PTPRD: variants seen among roughly 807,000 people sequenced by gnomAD.
The protein encoded by PTPRD is protein tyrosine phosphatase receptor type D.
A neutral mutation model predicts 214.5 loss-of-function variants in PTPRD; 34 were observed. The observed-to-expected ratio is 0.16, with a 90% CI of 0.12 to 0.21. The LOEUF (loss-of-function observed/expected upper bound fraction) is 0.21, where lower values mean the gene tolerates loss of function less well. PTPRD is among the 10% of genes least tolerant of loss of function. PTPRD has a pLI of 1.00. For synonymous variants in PTPRD, 1,128 were observed against 845.7 expected (o/e 1.33, Z -5.79); for missense variants, 2,545 against 2,398.7 (o/e 1.06, Z -1.27).
At chr9:8,912,281 A>G (rs1340681226) in intron 11 of PTPRD, among the ~76,000 whole-genome samples, 4 of 152,198 alleles carry the variant, frequency 2.6e-5, no homozygotes, top group Non-Finnish European at 5.9e-5. Context: ...TGAATGGATA[A>G]ACAATGTTAT....
intron 2 of PTPRD, among the ~76,000 whole-genome samples, chr9:10,482,287 C>T (rs901926006): frequency 1.3e-4 from 20 of 151,962 alleles, no homozygotes; most frequent in Admixed American, 2.6e-4. Context: ...AGGAGAATGG[C>T]ATGAACCCGG....
chr9:10,393,657 G>C (rs938912483), intron 2 of PTPRD, among the ~76,000 whole-genome samples: 5 of 147,442 alleles, frequency 3.4e-5, no homozygotes, highest in South Asian at 2.1e-4. Context: ...ATTAGAGAGA[G>C]AGAGAGAGAG....
At chr9:10,547,196 GA>G (rs1404467191) in intron 2 of PTPRD, among the ~76,000 whole-genome samples, 1 of 152,066 alleles carries the variant, frequency 6.6e-6, no homozygotes, top group African/African-American at 2.4e-5. Flanking sequence ...TCTGCTAGTA[GA>G]AAAAGTTTCT....
At chr9:9,133,453 A>G (rs550896344) in intron 10 of PTPRD, among the ~76,000 whole-genome samples, 16 of 152,348 alleles carry the variant, frequency 1.1e-4, no homozygotes, top group Admixed American at 2.0e-4. Flanking sequence ...TGGTCAATTC[A>G]TTTTAAGAAA....
At chr9:8,548,574 G>A (rs2081011152) in intron 14 of PTPRD, among the ~76,000 whole-genome samples, 1 of 151,064 alleles carries the variant, frequency 6.6e-6, no homozygotes, top group African/African-American at 2.4e-5. Context: ...CGCCATGTTG[G>A]CTAGGCTGTT....
At chr9:9,451,687 T>C (rs1390134622) in intron 8 of PTPRD, among the ~76,000 whole-genome samples, 1 of 151,664 alleles carries the variant, frequency 6.6e-6, no homozygotes. Flanking sequence ...CAAAAGGTTA[T>C]GTTTCAAAAA....
chr9:8,415,317 T>C (rs61454491), intron 35 of PTPRD, among the ~76,000 whole-genome samples: 9,328 of 152,184 alleles, frequency 0.061, 461 homozygotes, highest in African/African-American at 0.13. Flanking sequence ...TAAGACAGCA[T>C]TGGAGATGGA....
intron 10 of PTPRD, among the ~76,000 whole-genome samples, chr9:9,095,918 C>A (rs1272049199): frequency 6.6e-6 from 1 of 152,060 alleles, no homozygotes; most frequent in Admixed American, 6.5e-5. Context: ...ATTATTCAGT[C>A]CCACAAAAGA....
At chr9:9,740,493 G>C (rs1472518162) in intron 6 of PTPRD, among the ~76,000 whole-genome samples, 1 of 150,432 alleles carries the variant, frequency 6.6e-6, no homozygotes, top group Non-Finnish European at 1.5e-5. Flanking sequence ...GAGTAGCTGG[G>C]ACTATAGGCG....
intron 14 of PTPRD, among the ~76,000 whole-genome samples, chr9:8,543,717 C>A (rs1489175880): frequency 6.6e-6 from 1 of 152,020 alleles, no homozygotes; most frequent in African/African-American, 2.4e-5. Flanking sequence ...TTTTCTTTTC[C>A]TTTTTTTCTT....
At chr9:9,173,521 C>T (rs746962951) in intron 10 of PTPRD, among the ~76,000 whole-genome samples, 23 of 152,208 alleles carry the variant, frequency 1.5e-4, no homozygotes, top group Admixed American at 2.6e-4. Context: ...ACCAGTGTAG[C>T]TATATGGTAT....
rs1210208767 is a variant in PTPRD, at chr9:8,518,189, C to A, written c.1202G>T (p.Arg401Leu). 6.2e-7 allele frequency: 1 copy of A among 1,614,122 alleles called. No individual in the cohort carries two copies. Among genetic ancestry groups the A allele is most frequent in the South Asian group, 1.1e-5 (1 of 91,078 alleles). The change falls in exon 21 of 46, where the codon CGG becomes CTG. Residue 401 changes from arginine to leucine, a missense_variant. Physicochemically the swap from Arg to Leu is moderately radical, Grantham distance 102 (BLOSUM62 -2). Coordinates refer to ENST00000381196, the MANE Select transcript of PTPRD (RefSeq NM_002839.4). ...TAGCACAGGTTCGCTGGGAGGCCCC[C>A]GCCCAATGTTATTGACAGCAACAAC... Reference protein sequence around the residue: ...FRVVAVNNIGRGPPSEPVLTQ... With the variant: ...FRVVAVNNIGLGPPSEPVLTQ...
At chr9:8,738,635 C>T (rs1035477430) in intron 11 of PTPRD, among the ~76,000 whole-genome samples, 5 of 151,606 alleles carry the variant, frequency 3.3e-5, no homozygotes, top group Non-Finnish European at 7.4e-5. Context: ...ATAATAACTG[C>T]AAAGAACTAC....
At chr9:10,584,605 T>A (rs1195161805) in intron 2 of PTPRD, among the ~76,000 whole-genome samples, 1 of 152,144 alleles carries the variant, frequency 6.6e-6, no homozygotes, top group African/African-American at 2.4e-5. Context: ...TTGTAAAGGA[T>A]TTACAAGCAC....
intron 11 of PTPRD, among the ~76,000 whole-genome samples, chr9:8,788,459 G>A (rs545902133): frequency 6.6e-6 from 1 of 151,850 alleles, no homozygotes; most frequent in South Asian, 2.1e-4. Context: ...ATTTTTAGTA[G>A]AGACGGGGTT....
At chr9:8,854,116 T>C (rs932005000) in intron 11 of PTPRD, among the ~76,000 whole-genome samples, 5 of 151,180 alleles carry the variant, frequency 3.3e-5, no homozygotes, top group African/African-American at 9.6e-5. Context: ...GTACACTACA[T>C]AAAACGTAAA....
chr9:10,088,636 C>A (rs147472059), intron 3 of PTPRD, among the ~76,000 whole-genome samples: 46 of 151,782 alleles, frequency 3.0e-4, no homozygotes, highest in African/African-American at 1.0e-3. Context: ...AATGTGGGGG[C>A]AGTAGTCAAG....
intron 2 of PTPRD, among the ~76,000 whole-genome samples, chr9:10,418,175 T>C (rs774180728): frequency 2.6e-5 from 4 of 151,852 alleles, no homozygotes; most frequent in Non-Finnish European, 5.9e-5. Flanking sequence ...ATTATAAACC[T>C]TTGAATTTCT....
intron 9 of PTPRD, among the ~76,000 whole-genome samples, chr9:9,366,733 G>A (rs755543153): frequency 7.3e-5 from 11 of 151,108 alleles, no homozygotes; most frequent in Non-Finnish European, 1.5e-4. Context: ...TTAAGAATAT[G>A]GAAAAATTCT....
Sources: allele counts gnomAD v4.1 joint callset (sites outside exome capture counted in the v4.1 genomes callset), GRCh38; gene constraint gnomAD v4.1.1; transcripts MANE v1.5; gene names NCBI Gene and HGNC (gene_info 2026-07-23, HGNC 2026-07-21).